The following TCIRG1 variants were observed in gnomAD, a reference collection of about 807,000 sequenced individuals.
TCIRG1 encodes the protein T cell immune regulator 1, ATPase H+ transporting V0 subunit a3, also known as V-type proton ATPase 116 kDa subunit a 3.
TCIRG1 carries 86 observed loss-of-function variants against 95.5 expected under a neutral mutation model. The observed-to-expected ratio is 0.90, with a 90% CI of 0.76 to 1.08. The LOEUF (loss-of-function observed/expected upper bound fraction) is 1.08, where lower values mean the gene tolerates loss of function less well. Among genes scored for constraint, TCIRG1 ranks in the 50% least tolerant of loss-of-function variants. The probability of loss-of-function intolerance (pLI) is 0.00; values close to 1 mark genes in which losing one functional copy is unlikely to be tolerated. For synonymous variants in TCIRG1, 499 were observed against 501.3 expected (o/e 1.00, Z 0.06); for missense variants, 1,069 against 1,140.2 (o/e 0.94, Z 0.90).
rs142606750 is a variant in TCIRG1, at chr11:68,050,519, C to T, written c.2269C>T (p.Arg757Cys). The change falls in exon 19 of 20, where the codon CGC becomes TGC. Residue 757 changes from arginine (R) to cysteine (C), a missense_variant. Coordinates refer to ENST00000265686, the MANE Select transcript of TCIRG1 (RefSeq NM_006019.4). ...LSEVLWAMVMRIGLGLGREVG... is the reference protein window; with the variant it reads ...LSEVLWAMVMCIGLGLGREVG... ...CGAGGTTCTGTGGGCCATGGTGATG[C>T]GCATAGGCCTGGGCCTGGGCCGGGA... The T allele has an allele frequency of 4.6e-5, 74 of 1,612,002 alleles. No homozygotes were observed. Among genetic ancestry groups the T allele is most frequent in the East Asian group, 8.9e-5 (4 of 44,888 alleles).
At chr11:68,053,305 AG>A (rs1448831290), downstream of TCIRG1, 2 of 152,340 alleles carry the variant, frequency 1.3e-5, no homozygotes, top group Non-Finnish European at 2.9e-5. Flanking sequence ...GAGGAAGGGC[AG>A]GGGAGAAGTC....
intron 5 of TCIRG1, 102 bp downstream of exon 5, chr11:68,043,133 C>A: frequency 6.5e-7 from 1 of 1,538,512 alleles, no homozygotes; most frequent in South Asian, 1.2e-5. Context: ...CCAGTGCTCT[C>A]CCCAGGCTGG....
Position 68,048,886 on chromosome 11 carries a change from G to A in TCIRG1, c.1562G>A (p.Ser521Asn), listed in dbSNP as rs557890860. Residue 521 changes from serine (S) to asparagine (N), a missense_variant, in exon 14 of 20, where the codon AGC becomes AAC. By Grantham distance (46) the Ser-to-Asn change is conservative. Transcript: ENST00000265686. ...CCCCTGCTGCCACCCTAGATTTGGAGCCTGGCTGCCAACCACTTGAGCTTC... is the reference window on the plus strand; with the variant it reads ...CCCCTGCTGCCACCCTAGATTTGGAACCTGGCTGCCAACCACTTGAGCTTC... ...PYPFGIDPIW[S>N]LAANHLSFLN... 2.9e-5 allele frequency: 46 copies of A among 1,610,870 alleles called. No homozygotes were observed. In the Middle Eastern group the frequency reaches 8.2e-4, roughly 29 times the overall value.
intron 13 of TCIRG1, 56 bp downstream of exon 13, chr11:68,048,028 G>A: frequency 6.7e-7 from 1 of 1,483,428 alleles, no homozygotes; most frequent in East Asian, 2.3e-5. Flanking sequence ...AGTGGGGGCT[G>A]GGGCTCCCCT....
At position 68,049,232 on chromosome 11, in the gene TCIRG1, C is replaced by T. The variant is rs751612634; in HGVS notation, c.1825C>T (p.His609Tyr). Residue 609 changes from histidine (H) to tyrosine (Y), a missense_variant, in exon 15 of 20, where the codon CAC becomes TAC. Physicochemically the swap from His to Tyr is moderately conservative, Grantham distance 83. Coordinates refer to ENST00000265686, the MANE Select transcript of TCIRG1 (RefSeq NM_006019.4). ...RAASAPSILIHFINMFLFSHS... is the reference protein window; with the variant it reads ...RAASAPSILIYFINMFLFSHS... ...CGCCTCGGCCCCCAGCATCCTCATC[C>T]ACTTCATCAACATGTTCCTCTTCTC... The T allele has an allele frequency of 6.2e-6, 10 of 1,613,738 alleles. No individual in the cohort carries two copies. The highest frequency in any genetic ancestry group is 1.7e-6 in the Non-Finnish European group (2 of 1,180,010).
chr11:68,039,272 C>G (rs1008738207), intron 1 of TCIRG1, among the ~76,000 whole-genome samples, 153 bp downstream of exon 1: 2 of 152,126 alleles, frequency 1.3e-5, no homozygotes, highest in Non-Finnish European at 2.9e-5. Flanking sequence ...TTGCGGGGGG[C>G]CACGGAGGAT....
chr11:68,039,334 C>G (rs1367673390), intron 1 of TCIRG1, among the ~76,000 whole-genome samples: 2 of 152,028 alleles, frequency 1.3e-5, no homozygotes. Context: ...GCCCAGCGTT[C>G]CCGGGCCTGG....
chr11:68,039,831 G>C (rs941650639), intron 1 of TCIRG1: 1 of 148,778 alleles, frequency 6.7e-6, no homozygotes, highest in Non-Finnish European at 1.5e-5. Context: ...GAAGGAGCCC[G>C]GCCCTCGAGC....
rs1209457909 is a variant in TCIRG1, at chr11:68,043,806, C to T, written c.714-8C>T. On this transcript the variant is annotated splice_region_variant and splice_polypyrimidine_tract_variant and intron_variant, in intron 7 of 19. Transcript: ENST00000265686. Reference sequence around the variant, plus strand: ...TCTGGCCCCTCACGCAGCGCATCCTCCCTCCAGCTTCCACTGCCACGTCTT... The same window carrying T: ...TCTGGCCCCTCACGCAGCGCATCCTTCCTCCAGCTTCCACTGCCACGTCTT... The T allele has an allele frequency of 1.3e-6, 2 of 1,559,098 alleles. No individual in the cohort carries two copies. The highest frequency in any genetic ancestry group is 1.7e-6 in the Non-Finnish European group (2 of 1,151,676).
intron 10 of TCIRG1, among the ~76,000 whole-genome samples, chr11:68,047,201 G>A: frequency 6.9e-6 from 1 of 145,086 alleles, no homozygotes; most frequent in South Asian, 2.1e-4. Flanking sequence ...AGTACAGGCA[G>A]GGTTTCACCG....
chr11:68,045,177 GA>G, intron 10 of TCIRG1, 75 bp downstream of exon 10: 2 of 1,572,586 alleles, frequency 1.3e-6, no homozygotes, highest in South Asian at 2.2e-5. Flanking sequence ...GCCTGAGGGG[GA>G]GGTATCTCCA....
chr11:68,040,678 C>T (rs1164387954), intron 1 of TCIRG1, among the ~76,000 whole-genome samples: 1 of 152,240 alleles, frequency 6.6e-6, no homozygotes, highest in South Asian at 2.1e-4. Context: ...GGCCCTTCCC[C>T]GCCATTCTGT....
At chr11:68,053,682 T>C (rs944711110), downstream of TCIRG1, 4 of 330,306 alleles carry the variant, frequency 1.2e-5, no homozygotes, top group African/African-American at 8.5e-5. Flanking sequence ...TTGCCTCATC[T>C]GACTGGAAAC....
rs1029543113 is a variant in TCIRG1 at position 68,049,361 on chromosome 11, T to C, written c.1887+67T>C. ...GGGGACCCCGCGGTCACAGGGCCAC[T>C]GGGAGCTGCAAGATCCTCGTCCGAG... On this transcript the variant is annotated intron_variant, in intron 15 of 19. Transcript: ENST00000265686. 1.9e-5 allele frequency: 28 copies of C among 1,478,866 alleles called. No individual in the cohort carries two copies. The African/African-American group carries it at 3.5e-4, about 18-fold the overall frequency. 91.6% of individuals were successfully genotyped at this position (1,478,866 alleles called of 1,614,324 possible). A position where few individuals can be genotyped will look rare whatever the true frequency, so the allele number is the denominator to read the frequency against.
At chr11:68,045,199 G>C (rs1344647422) in intron 10 of TCIRG1, 97 bp downstream of exon 10, 1 of 1,490,180 alleles carries the variant, frequency 6.7e-7, no homozygotes, top group East Asian at 2.3e-5. Flanking sequence ...TCCTGGGCCT[G>C]GCCTGCCCTC....
Position 68,047,787 on chromosome 11 carries a change from C to T in TCIRG1, c.1446C>T (p.Ala482=), listed in dbSNP as rs1855580994. 2.5e-6 allele frequency: 4 copies of T among 1,613,100 alleles called. No homozygotes were observed. Among genetic ancestry groups the T allele is most frequent in the Non-Finnish European group, 3.4e-6 (4 of 1,179,888 alleles). The change falls in exon 12 of 20, where the codon GCC becomes GCT. Residue 482 remains alanine, a synonymous_variant. Transcript: ENST00000265686. ...CGGGCTGGAGTGTGGCCGCCATGGC[C>T]AACCAGTCTGGCTGGAGGTGAGGCC... ...FPSGWSVAAM[A]NQSGWSDAFL... is the part of the protein sequence containing the mutation.
chr11:68,048,300 T>G, intron 13 of TCIRG1: 1 of 427,314 alleles, frequency 2.3e-6, no homozygotes, highest in African/African-American at 2.0e-5. Context: ...TTTTTTCTTT[T>G]TTTTATTTTT....
rs558507378 is a variant in TCIRG1, at chr11:68,044,851, A to C, written c.1021-107A>C. 16 of 1,399,134 alleles carry C rather than the reference A, an allele frequency of 1.1e-5. 1 individual carries two copies. The South Asian group carries it at 1.3e-4, about 11-fold the overall frequency. 86.7% of individuals were successfully genotyped at this position (1,399,134 alleles called of 1,614,324 possible). A position where few individuals can be genotyped will look rare whatever the true frequency, so the allele number is the denominator to read the frequency against. ...TCAGAGAGAGGGGAAGGGGCTGCCC[A>C]GTGAGCCCCCACAGGGCTCTACATC... On this transcript the variant is annotated intron_variant, in intron 9 of 19. Transcript: ENST00000265686.
chr11:68,040,337 C>G (rs1011650793), intron 1 of TCIRG1, among the ~76,000 whole-genome samples: 2 of 152,236 alleles, frequency 1.3e-5, no homozygotes, highest in Non-Finnish European at 2.9e-5. Flanking sequence ...CCCGCTGCCC[C>G]CTGCCCTGCC....
Sources: gnomAD v4.1 joint callset for allele counts (sites outside exome capture counted in the v4.1 genomes callset) on GRCh38, gnomAD v4.1.1 for gene constraint, MANE v1.5 for transcripts, NCBI Gene and HGNC (gene_info 2026-07-23, HGNC 2026-07-21) for gene names.